Variants in PLCB1 observed in about 807,000 individuals in gnomAD.
PLCB1 encodes phospholipase C beta 1.
Under a neutral mutation model 161.8 loss-of-function variants are expected in PLCB1, and 46 were observed. The ratio of observed to expected loss-of-function variants is 0.28; its 90% CI spans 0.22 to 0.36. The LOEUF (loss-of-function observed/expected upper bound fraction) is 0.36. Among genes scored for constraint, PLCB1 ranks in the 10% least tolerant of loss-of-function variants. The pLI is 1.00. For missense variants in PLCB1, 1,016 were observed against 1,472.5 expected, an observed-to-expected ratio of 0.69 and a Z score of 5.07; for synonymous variants, 517 against 503.7, an observed-to-expected ratio of 1.03 and a Z score of -0.35.
intron 3 of PLCB1, among the ~76,000 whole-genome samples, chr20:8,606,556 C>T (rs1051019690): frequency 3.3e-5 from 5 of 152,084 alleles, no homozygotes; most frequent in Non-Finnish European, 5.9e-5. Context: ...AGTATGATTA[C>T]AATTATTATT....
intron 1 of PLCB1, among the ~76,000 whole-genome samples, chr20:8,142,682 A>G (rs2051416279): frequency 6.6e-6 from 1 of 152,250 alleles, no homozygotes; most frequent in African/African-American, 2.4e-5. Flanking sequence ...CAAAAGATGC[A>G]TGGTTGTGAA....
chr20:8,314,533 C>T (rs1361548214), intron 2 of PLCB1, among the ~76,000 whole-genome samples: 1 of 152,160 alleles, frequency 6.6e-6, no homozygotes. Context: ...TGACTTTAGG[C>T]AAGCTATATA....
At chr20:8,216,829 T>C (rs28407771) in intron 2 of PLCB1, among the ~76,000 whole-genome samples, 4,654 of 152,208 alleles carry the variant, frequency 0.031, 259 homozygotes, top group African/African-American at 0.11. Context: ...CTCAAGTACA[T>C]GGAGCTCTAA....
chr20:8,394,539 C>T (rs1302212213), intron 3 of PLCB1, among the ~76,000 whole-genome samples: 5 of 152,082 alleles, frequency 3.3e-5, no homozygotes, highest in Non-Finnish European at 7.4e-5. Context: ...CTCATGTGGT[C>T]ACAATCAAGT....
intron 2 of PLCB1, among the ~76,000 whole-genome samples, chr20:8,180,776 A>G (rs1329775479): frequency 1.3e-5 from 2 of 152,198 alleles, no homozygotes; most frequent in South Asian, 2.1e-4. Context: ...GTCTTTAACT[A>G]TCTGGTGATA....
intron 12 of PLCB1, among the ~76,000 whole-genome samples, chr20:8,714,473 C>T (rs974786454): frequency 3.3e-5 from 5 of 152,142 alleles, no homozygotes; most frequent in East Asian, 1.9e-4. Context: ...CAGGGATGCC[C>T]GGGGCTGGCC....
chr20:8,389,378 GGTT>G (rs1193440470), intron 3 of PLCB1, among the ~76,000 whole-genome samples: 3 of 152,222 alleles, frequency 2.0e-5, no homozygotes, highest in African/African-American at 4.8e-5. Context: ...GACCTGGAGA[GGTT>G]GTAGAGAAGG....
chr20:8,275,258 T>TGTGTGTGTGTG (rs1982480034), intron 2 of PLCB1, among the ~76,000 whole-genome samples: 1 of 151,046 alleles, frequency 6.6e-6, no homozygotes, highest in South Asian at 2.1e-4. Context: ...TGAGTGTGTG[T>TGTGTGTGTGTG]GTGTGTGTGT....
At chr20:8,155,661 G>A (rs567682174) in intron 2 of PLCB1, among the ~76,000 whole-genome samples, 1 of 152,190 alleles carries the variant, frequency 6.6e-6, no homozygotes, top group African/African-American at 2.4e-5. Context: ...TTTTAGCAGT[G>A]GGGCTTTCTC....
chr20:8,788,344 T>A, intron 27 of PLCB1, 105 bp from the exon 28 acceptor site: 1 of 1,000,722 alleles, frequency 1.0e-6, no homozygotes, highest in Middle Eastern at 2.3e-4. Context: ...TTGTGAAACA[T>A]CCATCACAGA....
chr20:8,480,759 A>G (rs1347817255), intron 3 of PLCB1, among the ~76,000 whole-genome samples: 2 of 152,224 alleles, frequency 1.3e-5, no homozygotes, highest in African/African-American at 2.4e-5. Flanking sequence ...TGTTATAAGC[A>G]GACTTACAAA....
chr20:8,375,279 G>T (rs1482237532), intron 3 of PLCB1, among the ~76,000 whole-genome samples: 1 of 152,068 alleles, frequency 6.6e-6, no homozygotes, highest in Non-Finnish European at 1.5e-5. Context: ...AGATGCTGTG[G>T]TATATATATC....
intron 17 of PLCB1, among the ~76,000 whole-genome samples, chr20:8,727,913 A>C (rs1348846144): frequency 6.6e-6 from 1 of 152,088 alleles, no homozygotes; most frequent in Non-Finnish European, 1.5e-5. Flanking sequence ...TATTACTGAC[A>C]ACAAAAATTT....
At chr20:8,804,245 T>C (rs1308837399) in intron 31 of PLCB1, among the ~76,000 whole-genome samples, 5 of 152,176 alleles carry the variant, frequency 3.3e-5, no homozygotes, top group African/African-American at 4.8e-5. Flanking sequence ...GAGACAAAAA[T>C]GCTGCATTTT....
intron 31 of PLCB1, among the ~76,000 whole-genome samples, chr20:8,874,085 GGTAA>G (rs1386340948): frequency 1.3e-5 from 2 of 151,890 alleles, no homozygotes; most frequent in East Asian, 1.9e-4. Flanking sequence ...CACAAAAAAT[GGTAA>G]GTATTTGAGG....
At chr20:8,546,143 C>T (rs886177829) in intron 3 of PLCB1, among the ~76,000 whole-genome samples, 7 of 151,380 alleles carry the variant, frequency 4.6e-5, no homozygotes, top group Admixed American at 1.3e-4. Flanking sequence ...GGTGAAACCC[C>T]GTCTCTAATA....
chr20:8,263,782 A>T (rs1233911021), intron 2 of PLCB1, among the ~76,000 whole-genome samples: 2 of 152,182 alleles, frequency 1.3e-5, no homozygotes, highest in Non-Finnish European at 2.9e-5. Context: ...TAAAAGAACA[A>T]TGGACCTGTA....
intron 3 of PLCB1, among the ~76,000 whole-genome samples, chr20:8,388,895 T>C (rs944224560): frequency 6.6e-6 from 1 of 152,158 alleles, no homozygotes; most frequent in African/African-American, 2.4e-5. Context: ...CAAAAACCTT[T>C]ATATAACTAG....
At chr20:8,373,090 G>A (rs1316368544) in intron 3 of PLCB1, among the ~76,000 whole-genome samples, 3 of 152,196 alleles carry the variant, frequency 2.0e-5, no homozygotes, top group African/African-American at 7.2e-5. Context: ...CCTGTACTGT[G>A]CTCAGCTGAT....
Sources: gnomAD v4.1 joint callset for allele counts (sites outside exome capture counted in the v4.1 genomes callset) on GRCh38, gnomAD v4.1.1 for gene constraint, MANE v1.5 for transcripts, NCBI Gene and HGNC (gene_info 2026-07-23, HGNC 2026-07-21) for gene names.